MAML2: variants seen among roughly 807,000 people sequenced by gnomAD.
MAML2 encodes the protein mastermind like transcriptional coactivator 2.
MAML2 carries 22 observed loss-of-function variants against 96.1 expected under a neutral mutation model. The observed-to-expected ratio is 0.23, with a 90% CI of 0.16 to 0.33. The LOEUF is 0.33. MAML2 is among the 10% of genes least tolerant of loss of function. MAML2 has a pLI of 1.00. For missense variants in MAML2, 1,367 were observed against 1,392.4 expected, an observed-to-expected ratio of 0.98 and a Z score of 0.29; for synonymous variants, 561 against 521.3, an observed-to-expected ratio of 1.08 and a Z score of -1.04.
rs568304250 is a variant in MAML2 at position 96,240,557 on chromosome 11, C to CAACAAAAAAAAAAAAAAAAA, written c.513+100825_513+100826insTTTTTTTTTTTTTTTTTGTT. 2.0e-3 allele frequency among the ~76,000 whole-genome samples: 102 copies of CAACAAAAAAAAAAAAAAAAA among 51,092 alleles called. 18 individuals are homozygous for CAACAAAAAAAAAAAAAAAAA. Among genetic ancestry groups the CAACAAAAAAAAAAAAAAAAA allele is most frequent in the East Asian group, 5.3e-3 (8 of 1,504 alleles). 33.5% of individuals were successfully genotyped at this position (51,092 alleles called of 152,430 possible). The stretch of plus-strand genomic sequence containing the variant: ...TGGGCGACAGAGCGAGACTCCGTCT[C>CAACAAAAAAAAAAAAAAAAA]AAAAAAAAAAAAAAAAAAAAAAAAA... On this transcript the variant is annotated intron_variant, in intron 1 of 4. Coordinates refer to ENST00000524717, the MANE Select transcript of MAML2 (RefSeq NM_032427.4).
At chr11:96,156,439 ACT>A (rs1861012842) in intron 1 of MAML2, among the ~76,000 whole-genome samples, 2 of 152,008 alleles carry the variant, frequency 1.3e-5, no homozygotes, top group South Asian at 4.2e-4. Flanking sequence ...AGGGAGGCTA[ACT>A]CTCATTGTTG....
chr11:96,071,431 G>A (rs2135788403), intron 2 of MAML2, among the ~76,000 whole-genome samples: 1 of 152,340 alleles, frequency 6.6e-6, no homozygotes, highest in African/African-American at 2.4e-5. Flanking sequence ...ATGGAGACGT[G>A]TAGCTCCAGG....
At chr11:96,124,744 C>T (rs1860410517) in intron 1 of MAML2, among the ~76,000 whole-genome samples, 1 of 152,108 alleles carries the variant, frequency 6.6e-6, no homozygotes, top group South Asian at 2.1e-4. Flanking sequence ...GATGTGCATA[C>T]ACCTCGTGAA....
At chr11:96,270,570 A>C (rs1862903107) in intron 1 of MAML2, among the ~76,000 whole-genome samples, 1 of 152,098 alleles carries the variant, frequency 6.6e-6, no homozygotes, top group Non-Finnish European at 1.5e-5. Flanking sequence ...TGGCCTCCAA[A>C]AGTGCTGGGA....
chr11:96,332,438 C>G (rs1863866465), intron 1 of MAML2, among the ~76,000 whole-genome samples: 3 of 152,152 alleles, frequency 2.0e-5, no homozygotes, highest in South Asian at 4.1e-4. Flanking sequence ...GGGGACTGAG[C>G]CTGCAAACAG....
chr11:95,991,645 C>T lies in MAML2; in HGVS notation c.2218G>A (p.Gly740Ser), dbSNP rs779947921. 3 of 1,613,738 alleles carry T rather than the reference C, an allele frequency of 1.9e-6. No individual in the cohort carries two copies. The highest frequency in any genetic ancestry group is 2.5e-6 in the Non-Finnish European group (3 of 1,179,724). The change falls in exon 3 of 5, where the codon GGT (glycine) becomes AGT (serine). Residue 740 changes from glycine to serine, a missense_variant. Physicochemically the swap from Gly to Ser is moderately conservative, Grantham distance 56. Coordinates refer to ENST00000524717, the MANE Select transcript of MAML2 (RefSeq NM_032427.4). ...AGTGATTGCTGGGAGTTCATGTAAC[C>T]ACTTCCAGTGTTTGGATTTGAGCAG... ...NPCSNPNTGSGYMNSQQSLLN... is the reference protein window; with the variant it reads ...NPCSNPNTGSSYMNSQQSLLN...
At chr11:96,212,468 A>C (rs1332644403) in intron 1 of MAML2, among the ~76,000 whole-genome samples, 1 of 152,180 alleles carries the variant, frequency 6.6e-6, no homozygotes, top group Non-Finnish European at 1.5e-5. Flanking sequence ...GCAATCTGGA[A>C]GGCAAAGTAA....
At chr11:96,197,812 G>A (rs11021467) in intron 1 of MAML2, among the ~76,000 whole-genome samples, 1 of 152,344 alleles carries the variant, frequency 6.6e-6, no homozygotes, top group East Asian at 1.9e-4. Flanking sequence ...TCCCTCCTCT[G>A]AGGGGATAGA....
chr11:96,105,914 C>A (rs2135826578), intron 1 of MAML2, among the ~76,000 whole-genome samples: 1 of 151,746 alleles, frequency 6.6e-6, no homozygotes, highest in Non-Finnish European at 1.5e-5. Flanking sequence ...GCAATTTAAG[C>A]CTTTCATGCC....
At chr11:96,159,113 A>G (rs1031369772) in intron 1 of MAML2, among the ~76,000 whole-genome samples, 3 of 152,218 alleles carry the variant, frequency 2.0e-5, no homozygotes, top group East Asian at 3.8e-4. Context: ...TTGTCATAGA[A>G]ACTTGAGTGG....
intron 2 of MAML2, among the ~76,000 whole-genome samples, chr11:96,051,429 G>T (rs1279985215): frequency 6.6e-6 from 1 of 152,074 alleles, no homozygotes; most frequent in African/African-American, 2.4e-5. Flanking sequence ...ATTCTGTGAA[G>T]TATGTATTAT....
At chr11:96,168,003 G>A (rs923230051) in intron 1 of MAML2, among the ~76,000 whole-genome samples, 1 of 152,176 alleles carries the variant, frequency 6.6e-6, no homozygotes, top group Non-Finnish European at 1.5e-5. Flanking sequence ...GGGGCTGGGA[G>A]GGTTGCTGCA....
At chr11:96,315,200 G>A (rs1863612139) in intron 1 of MAML2, among the ~76,000 whole-genome samples, 1 of 141,370 alleles carries the variant, frequency 7.1e-6, no homozygotes, top group African/African-American at 2.8e-5. Context: ...TGGTCCTAAT[G>A]TAGATGGAAG....
At chr11:96,240,922 T>C (rs1050665314) in intron 1 of MAML2, among the ~76,000 whole-genome samples, 1 of 152,218 alleles carries the variant, frequency 6.6e-6, no homozygotes, top group Non-Finnish European at 1.5e-5. Context: ...AAATATATAA[T>C]AATTCCCTGT....
chr11:96,263,566 T>G (rs968201042), intron 1 of MAML2, among the ~76,000 whole-genome samples: 3 of 152,210 alleles, frequency 2.0e-5, no homozygotes, highest in African/African-American at 7.2e-5. Flanking sequence ...AAGATAAGAA[T>G]TTAAGAGGCA....
chr11:96,083,660 G>A (rs11603090), intron 2 of MAML2, among the ~76,000 whole-genome samples: 3,771 of 152,258 alleles, frequency 0.025, 71 homozygotes, highest in Non-Finnish European at 0.041. Flanking sequence ...TAAAGCCCCA[G>A]AACAGAAGAA....
chr11:96,342,013 TAG>T lies in MAML2; in HGVS notation c.-120_-119del. Reference sequence around the variant, plus strand: ...AGCTCAGTGTTCAGGGCCACATGAATAGAGGTCTTCAGAGGTTGTGGGGGAGC... The same window carrying T: ...AGCTCAGTGTTCAGGGCCACATGAATAGGTCTTCAGAGGTTGTGGGGGAGC... On this transcript the variant is annotated 5_prime_UTR_variant, in exon 1 of 5. Coordinates refer to ENST00000524717, the MANE Select transcript of MAML2 (RefSeq NM_032427.4). The T allele has an allele frequency of 9.8e-7, 1 of 1,016,270 alleles. No individual in the cohort carries two copies. The highest frequency in any genetic ancestry group is 1.4e-6 in the Non-Finnish European group (1 of 718,262). The allele number at this position is 1,016,270 out of a possible 1,614,324, so 63.0% of individuals were successfully genotyped here.
chr11:96,032,543 T>C lies in MAML2; in HGVS notation c.2140-40820A>G, dbSNP rs566234620. ...CAGAGGTTGCAGTGAGCCAAGACTA[T>C]GCCACTGCACTCTAGCCTGGGTGAC... On this transcript the variant is annotated intron_variant, in intron 2 of 4. Coordinates refer to ENST00000524717, the MANE Select transcript of MAML2 (RefSeq NM_032427.4). 5.8e-5 allele frequency among the ~76,000 whole-genome samples: 8 copies of C among 138,116 alleles called. No individual in the cohort carries two copies. The East Asian group carries it at 1.7e-3, about 29-fold the overall frequency. 90.6% of individuals were successfully genotyped at this position (138,116 alleles called of 152,430 possible). A position where few individuals can be genotyped will look rare whatever the true frequency, so the allele number is the denominator to read the frequency against.
At chr11:96,125,387 G>A (rs756744503) in intron 1 of MAML2, among the ~76,000 whole-genome samples, 1 of 152,126 alleles carries the variant, frequency 6.6e-6, no homozygotes, top group Non-Finnish European at 1.5e-5. Flanking sequence ...AGGGGAAGGT[G>A]CAGGAGAGGC....
Sources: gnomAD v4.1 joint callset for allele counts (sites outside exome capture counted in the v4.1 genomes callset) on GRCh38, gnomAD v4.1.1 for gene constraint, MANE v1.5 for transcripts, NCBI Gene and HGNC (gene_info 2026-07-23, HGNC 2026-07-21) for gene names.